Variants in SND1 observed in about 807,000 individuals in gnomAD.
SND1 encodes staphylococcal nuclease and tudor domain containing 1.
In SND1, 38 loss-of-function variants were observed where a neutral mutation model predicts 121.7. The observed-to-expected ratio is 0.31, with a 90% CI of 0.24 to 0.41. The LOEUF is 0.41. Among genes scored for constraint, SND1 ranks in the 10% least tolerant of loss-of-function variants. SND1 has a pLI of 1.00. For synonymous variants in SND1, 401 were observed against 447.4 expected (o/e 0.90, Z 1.31); for missense variants, 868 against 1,184.6 (o/e 0.73, Z 3.92).
At chr7:127,759,674 G>A (rs983876194) in intron 10 of SND1, among the ~76,000 whole-genome samples, 2 of 145,230 alleles carry the variant, frequency 1.4e-5, no homozygotes, top group Non-Finnish European at 3.0e-5. Context: ...AATACATAGG[G>A]GCATATACAT....
At chr7:127,928,533 T>G (rs1800895866) in intron 14 of SND1, among the ~76,000 whole-genome samples, 1 of 151,600 alleles carries the variant, frequency 6.6e-6, no homozygotes, top group African/African-American at 2.4e-5. Flanking sequence ...TAATGAATAT[T>G]AAAGGTTAAA....
chr7:127,883,273 G>A (rs1375811911), intron 12 of SND1, among the ~76,000 whole-genome samples: 1 of 152,080 alleles, frequency 6.6e-6, no homozygotes, highest in African/African-American at 2.4e-5. Context: ...GAGAAAATAT[G>A]TTCCATACCC....
intron 16 of SND1, among the ~76,000 whole-genome samples, chr7:128,006,132 C>A (rs1360571474): frequency 6.6e-6 from 1 of 152,120 alleles, no homozygotes; most frequent in African/African-American, 2.4e-5. Context: ...AGGAAGTGTT[C>A]TTGTTCTTAG....
At chr7:128,090,865 G>A (rs1793767969) in intron 22 of SND1, among the ~76,000 whole-genome samples, 1 of 152,164 alleles carries the variant, frequency 6.6e-6, no homozygotes, top group Non-Finnish European at 1.5e-5. Context: ...TGGCTCCTAG[G>A]AGGTCAGCTT....
At chr7:127,909,072 T>C (rs1269141705) in intron 14 of SND1, among the ~76,000 whole-genome samples, 1 of 152,194 alleles carries the variant, frequency 6.6e-6, no homozygotes, top group Non-Finnish European at 1.5e-5. Flanking sequence ...TGAGTCATAG[T>C]GTATATCTGA....
chr7:127,891,810 G>T (rs568107975), intron 13 of SND1, among the ~76,000 whole-genome samples: 1 of 152,086 alleles, frequency 6.6e-6, no homozygotes, highest in Non-Finnish European at 1.5e-5. Context: ...AATCTTCAGC[G>T]ATTGTGTACT....
At chr7:127,886,639 A>G (rs1265354999) in intron 12 of SND1, among the ~76,000 whole-genome samples, 2 of 152,096 alleles carry the variant, frequency 1.3e-5, no homozygotes, top group Non-Finnish European at 2.9e-5. Context: ...AGTATTTGCT[A>G]TAGTTAATTA....
At chr7:127,764,052 A>AC (rs1554422826) in intron 10 of SND1, among the ~76,000 whole-genome samples, 5 of 130,948 alleles carry the variant, frequency 3.8e-5, no homozygotes, top group South Asian at 2.3e-4. Flanking sequence ...AAAAAAAAAA[A>AC]CAAAAAAACA....
chr7:127,871,521 T>G (rs536519237), intron 12 of SND1, among the ~76,000 whole-genome samples: 8 of 152,298 alleles, frequency 5.3e-5, no homozygotes, highest in East Asian at 1.9e-4. Context: ...GTATATGTGC[T>G]CCATCATTGA....
intron 12 of SND1, among the ~76,000 whole-genome samples, chr7:127,864,624 C>CT (rs1799434986): frequency 6.6e-6 from 1 of 152,102 alleles, no homozygotes; most frequent in African/African-American, 2.4e-5. Context: ...GTCTTTCTCC[C>CT]TTTTTTCATT....
chr7:128,039,539 G>T (rs912904249), intron 16 of SND1, among the ~76,000 whole-genome samples: 9 of 151,962 alleles, frequency 5.9e-5, no homozygotes, highest in African/African-American at 2.2e-4. Context: ...TGACCTTAAG[G>T]TGTCTCCAGT....
intron 13 of SND1, among the ~76,000 whole-genome samples, chr7:127,889,090 G>T (rs952935615): frequency 6.6e-6 from 1 of 152,076 alleles, no homozygotes; most frequent in African/African-American, 2.4e-5. Context: ...GTGGCTTTTG[G>T]ATTCTTTCTT....
intron 15 of SND1, among the ~76,000 whole-genome samples, chr7:127,968,715 G>C (rs910480028): frequency 6.6e-6 from 1 of 152,202 alleles, no homozygotes; most frequent in Non-Finnish European, 1.5e-5. Context: ...CACAAAGCCA[G>C]TTCCTTTTCT....
At chr7:127,949,956 T>C (rs1801423353) in intron 15 of SND1, among the ~76,000 whole-genome samples, 1 of 152,224 alleles carries the variant, frequency 6.6e-6, no homozygotes, top group East Asian at 1.9e-4. Flanking sequence ...TTCCTCTCAC[T>C]GTACTTGAAA....
At chr7:127,782,521 G>A (rs1435187485) in intron 10 of SND1, among the ~76,000 whole-genome samples, 2 of 152,180 alleles carry the variant, frequency 1.3e-5, no homozygotes, top group African/African-American at 4.8e-5. Flanking sequence ...AATCCTTTGG[G>A]GGGCAGAGAT....
intron 15 of SND1, among the ~76,000 whole-genome samples, chr7:127,969,850 A>T (rs1244774440): frequency 6.6e-6 from 1 of 152,230 alleles, no homozygotes; most frequent in Non-Finnish European, 1.5e-5. Flanking sequence ...AACAGTCTCA[A>T]ATTCTGGATA....
At chr7:127,976,511 T>C (rs1802124077) in intron 15 of SND1, among the ~76,000 whole-genome samples, 1 of 152,244 alleles carries the variant, frequency 6.6e-6, no homozygotes, top group Admixed American at 6.5e-5. Context: ...TGCCACACTG[T>C]GACAGGGGCT....
chr7:127,966,039 T>G (rs1318957405), intron 15 of SND1, among the ~76,000 whole-genome samples: 1 of 128,214 alleles, frequency 7.8e-6, no homozygotes, highest in Admixed American at 8.4e-5. Context: ...CTAGTTTATT[T>G]GCGTAGAGGT....
intron 15 of SND1, among the ~76,000 whole-genome samples, chr7:127,985,885 A>G (rs1802375451): frequency 6.6e-6 from 1 of 152,240 alleles, no homozygotes; most frequent in Non-Finnish European, 1.5e-5. Flanking sequence ...GTGAGAACAC[A>G]GCGGGCATGC....
Sources: gnomAD v4.1 joint callset for allele counts (sites outside exome capture counted in the v4.1 genomes callset) on GRCh38, gnomAD v4.1.1 for gene constraint, MANE v1.5 for transcripts, NCBI Gene and HGNC (gene_info 2026-07-23, HGNC 2026-07-21) for gene names.